Variants in MAOB observed in about 807,000 individuals in gnomAD.
The protein encoded by MAOB is amine oxidase [flavin-containing] B.
In MAOB, 15 loss-of-function variants were observed where a neutral mutation model predicts 41.9. The ratio of observed to expected loss-of-function variants is 0.36; its 90% CI spans 0.24 to 0.55. The LOEUF (loss-of-function observed/expected upper bound fraction) is 0.55. MAOB is among the 20% of genes least tolerant of loss of function. MAOB has a pLI of 0.86. For synonymous variants in MAOB, 167 were observed against 144.2 expected (o/e 1.16, Z -1.13); for missense variants, 345 against 398.7 (o/e 0.87, Z 1.15).
chrX:43,865,594 A>C (rs766648301), intron 1 of MAOB, among the ~76,000 whole-genome samples: 12 of 112,040 alleles, frequency 1.1e-4, no homozygotes, highest in Non-Finnish European at 1.9e-4. Context: ...TTATTTAAAA[A>C]TCTTATGAAG....
At chrX:43,870,882 CA>C (rs767884388) in intron 1 of MAOB, among the ~76,000 whole-genome samples, 81 of 108,962 alleles carry the variant, frequency 7.4e-4, no homozygotes, top group Non-Finnish European at 1.4e-3. Context: ...CTTCTTCCTC[CA>C]ACTGTCTGAA....
chrX:43,865,785 C>CTT (rs1167310007), intron 1 of MAOB, among the ~76,000 whole-genome samples: 13 of 94,254 alleles, frequency 1.4e-4, no homozygotes, highest in East Asian at 6.6e-4. Flanking sequence ...TGCCCAAAAG[C>CTT]TTTTTTTTTT....
chrX:43,817,455 T>C (rs1389466841), intron 3 of MAOB, among the ~76,000 whole-genome samples: 3 of 111,372 alleles, frequency 2.7e-5, no homozygotes, highest in Non-Finnish European at 5.7e-5. Flanking sequence ...CCACTGTCAG[T>C]TCTAACCTTT....
Position 43,808,697 on chromosome X carries a change from T to C in MAOB, c.280-5293A>G, listed in dbSNP as rs866076066. Among the ~76,000 whole-genome samples the C allele has an allele frequency of 5.1e-4, 47 of 91,472 alleles. 1 individual carries two copies. The South Asian group carries it at 6.9e-3, about 13-fold the overall frequency. The allele number at this position is 91,472 out of a possible 115,157, so 79.4% of individuals were successfully genotyped here. ...CTATATCTATATCTATATCTACACA[T>C]AGACACACACACACACACACACACA... On this transcript the variant is annotated intron_variant, in intron 3 of 14. Coordinates refer to ENST00000378069, the MANE Select transcript of MAOB (RefSeq NM_000898.5).
chrX:43,879,430 A>C (rs2035460082), intron 1 of MAOB, among the ~76,000 whole-genome samples: 2 of 111,607 alleles, frequency 1.8e-5, no homozygotes, highest in African/African-American at 6.5e-5. Flanking sequence ...TTTAAACATA[A>C]ATCATTGTGT....
At chrX:43,812,674 GATAATT>G (rs2034763383) in intron 3 of MAOB, among the ~76,000 whole-genome samples, 1 of 112,530 alleles carries the variant, frequency 8.9e-6, no homozygotes, top group Non-Finnish European at 1.9e-5. Context: ...TTTTTGATCA[GATAATT>G]ATTAGATTTT....
chrX:43,769,375 C>T lies in MAOB; in HGVS notation c.1279G>A (p.Glu427Lys). The part of the protein sequence containing the change: ...PVDRIYFAGT[E>K]TATHWSGYME... ...TAGCCGCTCCAGTGTGTGGCAGTCTCGGTGCCTGCAAAGTAAATCCTGTCC... is the reference window on the plus strand; with the variant it reads ...TAGCCGCTCCAGTGTGTGGCAGTCTTGGTGCCTGCAAAGTAAATCCTGTCC... The change falls in exon 13 of 15, where the codon GAG (glutamate) becomes AAG (lysine). Residue 427 changes from glutamate (E) to lysine (K), a missense_variant. Glu to Lys is a moderately conservative substitution (Grantham distance 56). Transcript: ENST00000378069. The T allele has an allele frequency of 8.3e-7, 1 of 1,210,045 alleles. No homozygotes were observed. Among genetic ancestry groups the T allele is most frequent in the Non-Finnish European group, 1.1e-6 (1 of 895,054 alleles).
intron 1 of MAOB, among the ~76,000 whole-genome samples, chrX:43,852,677 T>A (rs1049658034): frequency 2.7e-5 from 3 of 112,363 alleles, no homozygotes; most frequent in African/African-American, 9.7e-5. Context: ...CATAATTCCA[T>A]AAAGATACTA....
chrX:43,792,113 C>G (rs1336723099), intron 8 of MAOB, among the ~76,000 whole-genome samples: 1 of 112,234 alleles, frequency 8.9e-6, no homozygotes, highest in African/African-American at 3.2e-5. Flanking sequence ...TCTCTTTTCA[C>G]AAGATTTTGG....
intron 5 of MAOB, 36 bp from the exon 6 acceptor site, chrX:43,797,302 G>A (rs1447399688): frequency 2.8e-6 from 3 of 1,062,877 alleles, no homozygotes; most frequent in Middle Eastern, 5.4e-4. Flanking sequence ...CTTGGCAAAC[G>A]CAGGAGAGCA....
chrX:43,844,521 A>G (rs2035177549), intron 1 of MAOB: 1 of 111,785 alleles, frequency 8.9e-6, no homozygotes, highest in African/African-American at 3.3e-5. Flanking sequence ...TGGCAGGTGA[A>G]GCATTGTTTC....
chrX:43,774,995 A>T lies in MAOB; in HGVS notation c.1235+180T>A, dbSNP rs751960666. On this transcript the variant is annotated intron_variant, in intron 12 of 14. Transcript: ENST00000378069. ...GCAGCACCATGATGTATGTATAATTATAATGATTTCATTCATAAGATACAC... is the reference window on the plus strand; with the variant it reads ...GCAGCACCATGATGTATGTATAATTTTAATGATTTCATTCATAAGATACAC... Among the ~76,000 whole-genome samples the T allele has an allele frequency of 2.7e-5, 3 of 110,064 alleles. No homozygotes were observed. In the Admixed American group the frequency reaches 2.9e-4, roughly 11 times the overall value.
chrX:43,793,479 G>A lies in MAOB; in HGVS notation c.868C>T (p.Pro290Ser). 8.3e-7 allele frequency: 1 copy of A among 1,202,914 alleles called. No individual in the cohort carries two copies. The highest frequency in any genetic ancestry group is 1.1e-6 in the Non-Finnish European group (1 of 888,384). ...MMRNQMITRV[P>S]LGSVIKCIVY... ...ATACACTTGATGACTGAACCCAAAG[G>A]CACACGAGTGATCATCTGGTTTCTC... The change falls in exon 8 of 15, where the codon CCT (proline) becomes TCT (serine). Residue 290 changes from proline (P) to serine (S), a missense_variant. Pro to Ser is a moderately conservative substitution (Grantham distance 74, BLOSUM62 -1). Coordinates refer to ENST00000378069, the MANE Select transcript of MAOB (RefSeq NM_000898.5).
At chrX:43,817,882 CATTTGTTCATAT>C (rs2034837867) in intron 3 of MAOB, among the ~76,000 whole-genome samples, 1 of 112,247 alleles carries the variant, frequency 8.9e-6, no homozygotes, top group Non-Finnish European at 1.9e-5. Flanking sequence ...CTATGTGGTA[CATTTGTTCATAT>C]ATATATACAT....
At chrX:43,804,085 C>T (rs2034632068) in intron 3 of MAOB, among the ~76,000 whole-genome samples, 1 of 111,380 alleles carries the variant, frequency 9.0e-6, no homozygotes, top group African/African-American at 3.3e-5. Context: ...GAGAATTAAC[C>T]TGTTGATGGC....
At chrX:43,837,331 T>C (rs2035082573) in intron 3 of MAOB, among the ~76,000 whole-genome samples, 1 of 112,197 alleles carries the variant, frequency 8.9e-6, no homozygotes, top group African/African-American at 3.2e-5. Flanking sequence ...CCTAGACACA[T>C]AGGGAAGGAA....
intron 1 of MAOB, among the ~76,000 whole-genome samples, chrX:43,870,065 T>C (rs1017106837): frequency 2.7e-5 from 3 of 112,178 alleles, no homozygotes; most frequent in Non-Finnish European, 5.6e-5. Flanking sequence ...GGAAGCTGCA[T>C]AAAATGGTCA....
chrX:43,793,916 G>A (rs978302691), intron 7 of MAOB, among the ~76,000 whole-genome samples: 3 of 111,157 alleles, frequency 2.7e-5, no homozygotes, highest in Non-Finnish European at 5.7e-5. Context: ...TCACTCTGTC[G>A]CCAGGCTGGA....
chrX:43,823,293 C>T (rs1488062762), intron 3 of MAOB, among the ~76,000 whole-genome samples: 1 of 107,107 alleles, frequency 9.3e-6, no homozygotes, highest in African/African-American at 3.4e-5. Flanking sequence ...CTGCCTCAGC[C>T]TCCCAAGTAA....
Sources: allele counts gnomAD v4.1 joint callset (sites outside exome capture counted in the v4.1 genomes callset), GRCh38; gene constraint gnomAD v4.1.1; transcripts MANE v1.5; gene names NCBI Gene and HGNC (gene_info 2026-07-23, HGNC 2026-07-21).